Variants in PRDM15 observed in about 807,000 individuals in gnomAD.
PRDM15 encodes the protein PR domain zinc finger protein 15.
Under a neutral mutation model 128.6 loss-of-function variants are expected in PRDM15, and 64 were observed. That is an observed-to-expected ratio of 0.50 (90% CI 0.41 to 0.61). The LOEUF is 0.61. PRDM15 is among the 20% of genes least tolerant of loss of function. The probability of loss-of-function intolerance (pLI) is 0.00; values close to 1 mark genes in which losing one functional copy is unlikely to be tolerated. For synonymous variants in PRDM15, 615 were observed against 621.8 expected (o/e 0.99, Z 0.16); for missense variants, 1,242 against 1,569.1 (o/e 0.79, Z 3.52).
intron 11 of PRDM15, chr21:41,834,492 G>A (rs777090231): frequency 2.0e-5 from 31 of 1,549,338 alleles, no homozygotes; most frequent in Admixed American, 9.8e-5. Flanking sequence ...CGGGGTGGGC[G>A]TCGAAGGCTA....
chr21:41,851,831 C>T (rs2063439298), intron 5 of PRDM15, among the ~76,000 whole-genome samples: 1 of 152,156 alleles, frequency 6.6e-6, no homozygotes, highest in Non-Finnish European at 1.5e-5. Flanking sequence ...CATTTGTCCC[C>T]AAACACAAGT....
At chr21:41,844,411 AG>A (rs2063166529) in intron 6 of PRDM15, among the ~76,000 whole-genome samples, 1 of 123,576 alleles carries the variant, frequency 8.1e-6, no homozygotes, top group Non-Finnish European at 1.7e-5. Context: ...CCCCCCTCAC[AG>A]GGACACACAC....
intron 5 of PRDM15, among the ~76,000 whole-genome samples, chr21:41,850,472 G>A (rs757369402): frequency 2.6e-5 from 4 of 152,118 alleles, no homozygotes; most frequent in African/African-American, 9.7e-5. Context: ...AGTGCTTCAC[G>A]CCTGGAATCC....
intron 4 of PRDM15, among the ~76,000 whole-genome samples, chr21:41,855,790 G>A (rs1367780501): frequency 3.9e-5 from 6 of 152,318 alleles, no homozygotes; most frequent in Admixed American, 2.0e-4. Flanking sequence ...TGTGTACGTC[G>A]ACCGGATGGG....
Position 41,828,162 on chromosome 21 carries a change from T to C in PRDM15, c.1534+4A>G, listed in dbSNP as rs2062537764. 6 of 1,613,346 alleles carry C rather than the reference T, an allele frequency of 3.7e-6. No homozygotes were observed. Among genetic ancestry groups the C allele is most frequent in the Non-Finnish European group, 5.1e-6 (6 of 1,179,816 alleles). Reference sequence around the variant, plus strand: ...GCCCGCAGCAGGTGCGCAGGCGGCCTCACCTTCCAGGTGCCGGCGCTGGTG... The same window carrying C: ...GCCCGCAGCAGGTGCGCAGGCGGCCCCACCTTCCAGGTGCCGGCGCTGGTG... On this transcript the variant is annotated splice_donor_region_variant and intron_variant, in intron 12 of 23. Transcript: ENST00000398548. The surrounding 1 kb of genome is among the most constrained non-coding windows in gnomAD (Gnocchi z 5.7).
At chr21:41,836,690 A>C in intron 8 of PRDM15, 41 bp from the exon 9 acceptor site, 3 of 1,540,154 alleles carry the variant, frequency 1.9e-6, no homozygotes, top group Non-Finnish European at 2.7e-6. Flanking sequence ...GACAGGTGGG[A>C]AAAAAGTTCC....
At chr21:41,822,657 T>G (rs1226853482) in intron 14 of PRDM15, among the ~76,000 whole-genome samples, 1 of 152,172 alleles carries the variant, frequency 6.6e-6, no homozygotes, top group Non-Finnish European at 1.5e-5. Context: ...CAAATTCCCA[T>G]GTTGAATCCT....
Position 41,854,902 on chromosome 21 carries a change from G to A in PRDM15, c.286-84C>T. ...TCAGCGTGTGGGGGGCAGGTGCTGA[G>A]GAACCCATCTAGACAGTGCCACGTC... On this transcript the variant is annotated intron_variant, in intron 4 of 23. Transcript: ENST00000398548. This position sits in a 1 kb window ranked among gnomAD's most constrained non-coding sequence, Gnocchi z 4.6. 5 of 1,480,714 alleles carry A rather than the reference G, an allele frequency of 3.4e-6. No individual in the cohort carries two copies. The highest frequency in any genetic ancestry group is 4.6e-6 in the Non-Finnish European group (5 of 1,098,330). The allele number at this position is 1,480,714 out of a possible 1,614,324, so 91.7% of individuals were successfully genotyped here.
chr21:41,877,736 T>G (rs1386151510), intron 1 of PRDM15: 2 of 152,238 alleles, frequency 1.3e-5, no homozygotes, highest in African/African-American at 4.8e-5. Flanking sequence ...CCAACTACAG[T>G]TGATTTTTAA....
chr21:41,851,403 C>G (rs2063424875), intron 5 of PRDM15, among the ~76,000 whole-genome samples: 1 of 152,148 alleles, frequency 6.6e-6, no homozygotes, highest in Non-Finnish European at 1.5e-5. Flanking sequence ...GTGAGGTGCT[C>G]GACACACACT....
At chr21:41,860,513 C>T in intron 1 of PRDM15, 141 bp from the exon 2 acceptor site, 2 of 630,480 alleles carry the variant, frequency 3.2e-6, no homozygotes, top group Non-Finnish European at 5.6e-6. Flanking sequence ...ACCTCTGCCT[C>T]CCAGGTTCAA....
At chr21:41,803,029 G>A (rs2061459190) in intron 22 of PRDM15, 108 bp from the exon 23 acceptor site, 3 of 830,592 alleles carry the variant, frequency 3.6e-6, no homozygotes, top group East Asian at 4.9e-5. Context: ...CAGTGGGGAC[G>A]CTTGTGGGCC....
At position 41,859,534 on chromosome 21, in the gene PRDM15, C is replaced by T. The variant is rs1175648621; in HGVS notation, c.131+58G>A. 1 of 1,432,946 alleles carries T rather than the reference C, an allele frequency of 7.0e-7. No homozygotes were observed. The highest frequency in any genetic ancestry group is 2.3e-5 in the East Asian group (1 of 43,220). 88.8% of individuals were successfully genotyped at this position (1,432,946 alleles called of 1,614,324 possible). ...TCCCCGTCTGCAGACCCAAAGGCCA[C>T]TAGGCTCCTGCCGCAGCTGGCATAT... is the stretch of plus-strand genomic sequence containing the variant. On this transcript the variant is annotated intron_variant, in intron 3 of 23. Transcript: ENST00000398548. The surrounding 1 kb of genome is among the most constrained non-coding windows in gnomAD (Gnocchi z 5.3).
chr21:41,828,452 T>TGA lies in PRDM15; in HGVS notation c.1367-120_1367-119insTC. On this transcript the variant is annotated intron_variant, in intron 11 of 23. Coordinates refer to ENST00000398548, the MANE Select transcript of PRDM15 (RefSeq NM_001040424.3). This position sits in a 1 kb window ranked among gnomAD's most constrained non-coding sequence, Gnocchi z 5.7. ...GTGACGGGCATGAGAGTCACGGGGA[T>TGA]GCGTGGCCAGGAAGAAAACAGCACC... 3 of 1,008,270 alleles carry TGA rather than the reference T, an allele frequency of 3.0e-6. No individual in the cohort carries two copies. Among genetic ancestry groups the TGA allele is most frequent in the Non-Finnish European group, 3.1e-6 (2 of 655,310 alleles). The allele number at this position is 1,008,270 out of a possible 1,614,324, so 62.5% of individuals were successfully genotyped here. A position where few individuals can be genotyped will look rare whatever the true frequency, so the allele number is the denominator to read the frequency against.
Position 41,828,532 on chromosome 21 carries a change from G to A in PRDM15, c.1367-199C>T, listed in dbSNP as rs902168044. Among the ~76,000 whole-genome samples, 9 of 151,872 alleles carry A rather than the reference G, an allele frequency of 5.9e-5. No homozygotes were observed. Among genetic ancestry groups the A allele is most frequent in the East Asian group, 2.0e-4 (1 of 5,118 alleles). On this transcript the variant is annotated intron_variant, in intron 11 of 23. Transcript: ENST00000398548. The surrounding 1 kb of genome is among the most constrained non-coding windows in gnomAD (Gnocchi z 5.7). Reference sequence around the variant, plus strand: ...CTCACGATGCAGAGACGGGAACCCCGGTGCTTGAAAAGCAGACACGGAGCT... The same window carrying A: ...CTCACGATGCAGAGACGGGAACCCCAGTGCTTGAAAAGCAGACACGGAGCT...
At chr21:41,834,886 C>G (rs532996121) in intron 11 of PRDM15, among the ~76,000 whole-genome samples, 1 of 152,372 alleles carries the variant, frequency 6.6e-6, no homozygotes, top group South Asian at 2.1e-4. Flanking sequence ...CAGGCACACC[C>G]GGCTTCAGGC....
intron 1 of PRDM15, among the ~76,000 whole-genome samples, chr21:41,869,081 G>A (rs2145995150): frequency 6.6e-6 from 1 of 152,240 alleles, no homozygotes; most frequent in South Asian, 2.1e-4. Context: ...GTCGCATGTA[G>A]TTTGCAAGTA....
chr21:41,845,942 C>T (rs184260639), intron 6 of PRDM15, among the ~76,000 whole-genome samples: 13 of 152,168 alleles, frequency 8.5e-5, no homozygotes, highest in East Asian at 3.9e-4. Flanking sequence ...TGCACAAACG[C>T]GGCGTTTCTA....
rs749415137 is a variant in PRDM15, at chr21:41,854,696, G to A, written c.408C>T (p.His136=). 1.9e-5 allele frequency: 31 copies of A among 1,613,546 alleles called. No homozygotes were observed. Among genetic ancestry groups the A allele is most frequent in the Non-Finnish European group, 2.1e-5 (25 of 1,179,978 alleles). ...AGGTGGTGAAGTACACGTCGCTGCCGTGCTGGTAGGCCGTCAGGTTCTGGT... is the reference window on the plus strand; with the variant it reads ...AGGTGGTGAAGTACACGTCGCTGCCATGCTGGTAGGCCGTCAGGTTCTGGT... ...AEHQNLTAYQ[H]GSDVYFTTSR... is the part of the protein sequence containing the mutation. Residue 136 remains histidine (H), a synonymous_variant, in exon 5 of 24, where the codon CAC becomes CAT. Transcript: ENST00000398548. This position sits in a 1 kb window ranked among gnomAD's most constrained non-coding sequence, Gnocchi z 4.6.
Sources: allele counts gnomAD v4.1 joint callset (sites outside exome capture counted in the v4.1 genomes callset), GRCh38; gene constraint gnomAD v4.1.1; non-coding constraint Gnocchi (gnomAD v3.1); transcripts MANE v1.5; gene names NCBI Gene and HGNC (gene_info 2026-07-23, HGNC 2026-07-21).